Variants in PRELID2 observed in about 807,000 individuals in gnomAD.
PRELID2 encodes PRELI domain containing 2.
Under a neutral mutation model 28.4 loss-of-function variants are expected in PRELID2, and 25 were observed. The observed-to-expected ratio is 0.88, with a 90% CI of 0.64 to 1.23. The LOEUF (loss-of-function observed/expected upper bound fraction) is 1.23. PRELID2 is among the 50% of genes most tolerant of loss of function. The probability of loss-of-function intolerance (pLI) is 0.00; values close to 1 mark genes in which losing one functional copy is unlikely to be tolerated. For missense variants in PRELID2, 201 were observed against 214.4 expected (o/e 0.94, Z 0.39); for synonymous variants, 76 against 71.6 (o/e 1.06, Z -0.31).
chr5:145,336,085 C>A, the PRELID2 span, among the ~76,000 whole-genome samples: 1 of 152,198 alleles, frequency 6.6e-6, no homozygotes, highest in Non-Finnish European at 1.5e-5. Context: ...TGAGAAGTGT[C>A]TGTTCATGTC....
the PRELID2 span, among the ~76,000 whole-genome samples, chr5:145,451,272 G>A: frequency 6.6e-6 from 1 of 152,068 alleles, no homozygotes; most frequent in Non-Finnish European, 1.5e-5. Context: ...TCACACATGT[G>A]TCCTCACCAC....
chr5:145,409,980 A>C, the PRELID2 span, among the ~76,000 whole-genome samples: 1 of 152,230 alleles, frequency 6.6e-6, no homozygotes, highest in Non-Finnish European at 1.5e-5. Flanking sequence ...CCAATGGAAC[A>C]GAATACAGAA....
intron 4 of PRELID2, among the ~76,000 whole-genome samples, chr5:145,817,421 T>TTATATATATATATTTTTA (rs1554099436): frequency 2.3e-4 from 24 of 103,606 alleles, no homozygotes; most frequent in East Asian, 5.1e-4. Flanking sequence ...TAAGCTAGTT[T>TTATATATATATATTTTTA]TATATATATA....
intron 1 of PRELID2, among the ~76,000 whole-genome samples, chr5:145,489,693 T>C (rs1752250457): frequency 6.6e-6 from 1 of 152,182 alleles, no homozygotes; most frequent in Admixed American, 6.5e-5. Flanking sequence ...TCAGTGTTGG[T>C]ATGCCATGAT....
chr5:145,427,917 T>C, the PRELID2 span, among the ~76,000 whole-genome samples: 1 of 152,178 alleles, frequency 6.6e-6, no homozygotes. Context: ...TAGATGCCAG[T>C]GGATCTCAAG....
chr5:145,322,313 C>T, the PRELID2 span, among the ~76,000 whole-genome samples: 1 of 152,184 alleles, frequency 6.6e-6, no homozygotes, highest in East Asian at 1.9e-4. Context: ...ATAAGGACCT[C>T]TTAGGACCAG....
At chr5:145,748,750 C>G (rs1757056469) in intron 1 of PRELID2, among the ~76,000 whole-genome samples, 2 of 152,186 alleles carry the variant, frequency 1.3e-5, no homozygotes, top group Non-Finnish European at 2.9e-5. Context: ...ATAACCAAAA[C>G]AGCATGGCAC....
At chr5:145,376,996 T>A in the PRELID2 span, among the ~76,000 whole-genome samples, 13 of 152,274 alleles carry the variant, frequency 8.5e-5, no homozygotes, top group East Asian at 7.7e-4. Context: ...TAATGTGAGA[T>A]CTTTCTAACT....
intron 1 of PRELID2, among the ~76,000 whole-genome samples, chr5:145,664,795 G>A (rs28599550): frequency 0.064 from 9,686 of 152,092 alleles, 1,032 homozygotes; most frequent in African/African-American, 0.22. Context: ...CTCTCCAGCA[G>A]TAACTCCAGC....
At chr5:145,331,227 G>A in the PRELID2 span, among the ~76,000 whole-genome samples, 13 of 152,086 alleles carry the variant, frequency 8.5e-5, no homozygotes, top group Non-Finnish European at 1.9e-4. Flanking sequence ...GTGTGATGTG[G>A]TGCTGAGAAA....
chr5:145,587,678 C>T (rs1753172841), intron 1 of PRELID2, among the ~76,000 whole-genome samples: 5 of 152,124 alleles, frequency 3.3e-5, no homozygotes, highest in Admixed American at 3.3e-4. Context: ...GCTTCCATTA[C>T]ATTATAATAA....
intron 6 of PRELID2, among the ~76,000 whole-genome samples, chr5:145,764,270 G>T (rs1370584083): frequency 6.6e-6 from 1 of 152,184 alleles, no homozygotes; most frequent in Non-Finnish European, 1.5e-5. Context: ...GTAGGGAGTT[G>T]AGTAGTTCTG....
At chr5:145,709,066 C>T (rs945904096) in intron 1 of PRELID2, among the ~76,000 whole-genome samples, 2 of 152,210 alleles carry the variant, frequency 1.3e-5, no homozygotes, top group African/African-American at 4.8e-5. Context: ...GCTGACAGCC[C>T]TAGACCTGAC....
At chr5:145,634,823 C>T (rs11953220) in intron 1 of PRELID2, among the ~76,000 whole-genome samples, 5,733 of 152,284 alleles carry the variant, frequency 0.038, 335 homozygotes, top group African/African-American at 0.13. Flanking sequence ...AAGGAATCAG[C>T]GAATGAAGTC....
chr5:145,652,796 A>G (rs888553702), intron 1 of PRELID2, among the ~76,000 whole-genome samples: 4 of 152,232 alleles, frequency 2.6e-5, no homozygotes, highest in Non-Finnish European at 4.4e-5. Context: ...CTGCAAAAAC[A>G]TGCCAAAGTG....
chr5:145,477,251 C>T (rs1752111125), intron 1 of PRELID2, among the ~76,000 whole-genome samples: 1 of 152,130 alleles, frequency 6.6e-6, no homozygotes, highest in South Asian at 2.1e-4. Context: ...GCACAAAAGG[C>T]TTTTTCTCAA....
At chr5:145,594,646 T>C (rs1338778855) in intron 1 of PRELID2, among the ~76,000 whole-genome samples, 1 of 152,218 alleles carries the variant, frequency 6.6e-6, no homozygotes, top group African/African-American at 2.4e-5. Flanking sequence ...TATAGATGTA[T>C]ATTTATTGAC....
chr5:145,543,652 T>C (rs1752762887), intron 1 of PRELID2, among the ~76,000 whole-genome samples: 1 of 152,130 alleles, frequency 6.6e-6, no homozygotes, highest in Non-Finnish European at 1.5e-5. Context: ...AGAGTGCCAA[T>C]GGCTTCATGT....
At chr5:145,453,648 T>C in the PRELID2 span, among the ~76,000 whole-genome samples, 1 of 152,126 alleles carries the variant, frequency 6.6e-6, no homozygotes, top group Admixed American at 6.6e-5. Flanking sequence ...CAGTGTGTGA[T>C]GTTCCCCTCC....
Sources: gnomAD v4.1 joint callset for allele counts (sites outside exome capture counted in the v4.1 genomes callset) on GRCh38, gnomAD v4.1.1 for gene constraint, MANE v1.5 for transcripts, NCBI Gene and HGNC (gene_info 2026-07-23, HGNC 2026-07-21) for gene names.